Variants in SORT1 observed in about 807,000 individuals in gnomAD.
SORT1 encodes sortilin 1.
Under a neutral mutation model 101.7 loss-of-function variants are expected in SORT1, and 39 were observed. That is an observed-to-expected ratio of 0.38 (90% confidence interval 0.30 to 0.50). The LOEUF (loss-of-function observed/expected upper bound fraction) is 0.50. Ranked by LOEUF, SORT1 falls within the 20% of genes least tolerant of loss-of-function variation. The pLI, the probability that SORT1 is intolerant of heterozygous loss-of-function variation, is 0.90. For synonymous variants in SORT1, 396 were observed against 393.7 expected, an observed-to-expected ratio of 1.01 and a Z score of -0.07; for missense variants, 878 against 1,040.4, an observed-to-expected ratio of 0.84 and a Z score of 2.15.
At position 109,397,428 on chromosome 1, in the gene SORT1, T is replaced by TCCGC. The variant is rs924116632; in HGVS notation, c.306+155_306+158dup. 131 of 319,180 alleles carry TCCGC rather than the reference T, an allele frequency of 4.1e-4. 2 individuals carry two copies. Among genetic ancestry groups the TCCGC allele is most frequent in the Admixed American group, 2.3e-3 (37 of 16,006 alleles). The allele number at this position is 319,180 out of a possible 1,614,324, so 19.8% of individuals were successfully genotyped here. On this transcript the variant is annotated intron_variant, in intron 1 of 19. Transcript: ENST00000256637. Reference sequence around the variant, plus strand: ...GCCCCGCCGGCCGCCCGGGCCCGACTCCGCCCGCCCGCCCGCCGCAGTTTC... The same window carrying TCCGC: ...GCCCCGCCGGCCGCCCGGGCCCGACTCCGCCCGCCCGCCCGCCCGCCGCAGTTTC...
chr1:109,324,862 G>C (rs1647880872), intron 14 of SORT1, 37 bp downstream of exon 14: 4 of 1,399,162 alleles, frequency 2.9e-6, no homozygotes, highest in Non-Finnish European at 3.9e-6. Context: ...AATGGACTTG[G>C]AAGTTTCTGG....
intron 10 of SORT1, among the ~76,000 whole-genome samples, chr1:109,338,587 A>G (rs1649000193): frequency 6.6e-6 from 1 of 152,180 alleles, no homozygotes; most frequent in East Asian, 1.9e-4. Flanking sequence ...ATGCACCCTT[A>G]CCAAGAAGAG....
intron 6 of SORT1, among the ~76,000 whole-genome samples, chr1:109,348,348 G>A (rs1026537776): frequency 1.3e-5 from 2 of 151,430 alleles, no homozygotes; most frequent in Non-Finnish European, 1.5e-5. Flanking sequence ...GATCTAAAAA[G>A]GTGAGTAAAC....
intron 2 of SORT1, among the ~76,000 whole-genome samples, chr1:109,369,240 T>C (rs769193271): frequency 1.2e-4 from 18 of 152,198 alleles, no homozygotes; most frequent in Admixed American, 9.2e-4. Context: ...GAGAATCGCT[T>C]GAACCCGGGA....
At chr1:109,383,423 A>C (rs1652383040) in intron 1 of SORT1, among the ~76,000 whole-genome samples, 1 of 152,242 alleles carries the variant, frequency 6.6e-6, no homozygotes, top group Admixed American at 6.5e-5. Context: ...CTAAAAATAA[A>C]GGCTAAACAT....
At chr1:109,354,650 G>C in intron 4 of SORT1, 119 bp from the exon 5 acceptor site, 2 of 758,256 alleles carry the variant, frequency 2.6e-6, no homozygotes, top group Non-Finnish European at 4.3e-6. Context: ...AATAAGAAGA[G>C]TTATAAAAAC....
At chr1:109,322,228 G>A (rs183663947) in intron 15 of SORT1, among the ~76,000 whole-genome samples, 7 of 152,038 alleles carry the variant, frequency 4.6e-5, no homozygotes, top group Admixed American at 1.3e-4. Flanking sequence ...ATGAGCCACC[G>A]TGCCTGGCCT....
chr1:109,363,400 A>G (rs1221370904), intron 3 of SORT1, among the ~76,000 whole-genome samples: 1 of 152,238 alleles, frequency 6.6e-6, no homozygotes, highest in Non-Finnish European at 1.5e-5. Context: ...CAAAATTTAT[A>G]CTATACAAAT....
intron 1 of SORT1, chr1:109,392,887 A>G: frequency 1.0e-6 from 1 of 985,268 alleles, no homozygotes. Flanking sequence ...CTTGATCCAA[A>G]GCTGAATGGA....
chr1:109,387,255 T>G (rs1026271271), intron 1 of SORT1, among the ~76,000 whole-genome samples: 15 of 151,808 alleles, frequency 9.9e-5, no homozygotes, highest in African/African-American at 2.9e-4. Flanking sequence ...CATGCCACTG[T>G]ACTCCATCCA....
At chr1:109,338,066 T>A (rs1341840354) in intron 10 of SORT1, among the ~76,000 whole-genome samples, 1 of 152,088 alleles carries the variant, frequency 6.6e-6, no homozygotes, top group Non-Finnish European at 1.5e-5. Context: ...ATAAGTACTA[T>A]GGAAAATACT....
intron 5 of SORT1, among the ~76,000 whole-genome samples, chr1:109,351,578 T>C (rs905959641): frequency 2.6e-5 from 4 of 152,220 alleles, no homozygotes; most frequent in Non-Finnish European, 5.9e-5. Context: ...AGGCATTACC[T>C]GAGTGCAAAT....
At chr1:109,316,366 A>C (rs1386875515) in intron 17 of SORT1, among the ~76,000 whole-genome samples, 2 of 151,890 alleles carry the variant, frequency 1.3e-5, no homozygotes, top group Non-Finnish European at 2.9e-5. Context: ...TACAGGCGTA[A>C]ACCACCACAC....
chr1:109,393,118 A>G (rs1653008336), intron 1 of SORT1: 1 of 985,314 alleles, frequency 1.0e-6, no homozygotes, highest in African/African-American at 1.7e-5. Context: ...TGACAGGCAC[A>G]CTCAGTCCTG....
intron 14 of SORT1, among the ~76,000 whole-genome samples, chr1:109,324,305 T>G (rs1276050532): frequency 2.6e-5 from 4 of 152,246 alleles, no homozygotes; most frequent in Non-Finnish European, 5.9e-5. Flanking sequence ...ACCTGGCTAA[T>G]TTTTCTATTT....
At chr1:109,354,296 G>T in intron 5 of SORT1, 71 bp downstream of exon 5, 1 of 1,075,348 alleles carries the variant, frequency 9.3e-7, no homozygotes, top group Non-Finnish European at 1.3e-6. Context: ...TTTCCTAAAG[G>T]ATCCTTCTAA....
chr1:109,375,433 C>T (rs926847101), intron 1 of SORT1, among the ~76,000 whole-genome samples: 5 of 147,472 alleles, frequency 3.4e-5, no homozygotes, highest in Non-Finnish European at 4.5e-5. Context: ...GTACCAGCTA[C>T]GCGGGAGGCT....
chr1:109,323,647 C>G (rs775560288), intron 14 of SORT1, among the ~76,000 whole-genome samples: 3 of 152,218 alleles, frequency 2.0e-5, no homozygotes, highest in Non-Finnish European at 4.4e-5. Flanking sequence ...CTCTCAAATG[C>G]ATATTGCTGA....
Position 109,340,754 on chromosome 1 carries a change from C to T in SORT1, c.1234G>A (p.Gly412Ser), listed in dbSNP as rs1570921938. Residue 412 changes from glycine to serine, a missense_variant, in exon 10 of 20, where the codon GGC becomes AGC. This residue lies in a region of SORT1 where 684 missense variants were observed against 894.5 expected (regional missense o/e 0.76). Coordinates refer to ENST00000256637, the MANE Select transcript of SORT1 (RefSeq NM_002959.7). ...TDFTNVTSLRGVYITSVLSED... is the reference protein window; with the variant it reads ...TDFTNVTSLRSVYITSVLSED... Reference sequence around the variant, plus strand: ...GAGAGCACGCTTGTTATGTAGACGCCGCGGAGGGAGGTCACGTTGGTAAAG... The same window carrying T: ...GAGAGCACGCTTGTTATGTAGACGCTGCGGAGGGAGGTCACGTTGGTAAAG... 1.2e-6 allele frequency: 2 copies of T among 1,614,058 alleles called. No individual in the cohort carries two copies. The highest frequency in any genetic ancestry group is 1.1e-5 in the South Asian group (1 of 91,080).
Sources: gnomAD v4.1 joint callset for allele counts (sites outside exome capture counted in the v4.1 genomes callset) on GRCh38, gnomAD v4.1.1 for gene constraint, gnomAD v4.1.1 regional missense constraint, MANE v1.5 for transcripts, NCBI Gene and HGNC (gene_info 2026-07-23, HGNC 2026-07-21) for gene names.